The following PPAT variants were observed in gnomAD, a reference collection of about 807,000 sequenced individuals.
PPAT encodes amidophosphoribosyltransferase.
A neutral mutation model predicts 60.2 loss-of-function variants in PPAT; 20 were observed. The ratio of observed to expected loss-of-function variants is 0.33; its 90% confidence interval spans 0.23 to 0.48. The LOEUF (loss-of-function observed/expected upper bound fraction) is 0.48, where lower values mean the gene tolerates loss of function less well. Ranked by LOEUF, PPAT falls within the 20% of genes least tolerant of loss-of-function variation. The pLI is 0.99. For synonymous variants in PPAT, 194 were observed against 215.1 expected (o/e 0.90, Z 0.86); for missense variants, 349 against 629.6 (o/e 0.55, Z 4.77).
rs1715881281 is a variant in PPAT at position 56,393,542 on chromosome 4, A to AT, written c.*1809_*1810insA. On this transcript the variant is annotated 3_prime_UTR_variant, in exon 11 of 11. Transcript: ENST00000264220. ...ACAACATTTGAGATTAAATTGGTAA[A>AT]AAAAAATTGTAATTGAATTCAGACT... 1 of 152,138 alleles carries AT rather than the reference A, an allele frequency of 6.6e-6. No individual in the cohort carries two copies. Among genetic ancestry groups the AT allele is most frequent in the Non-Finnish European group, 1.5e-5 (1 of 67,974 alleles). The allele number at this position is 152,138 out of a possible 1,614,324, so 9.4% of individuals were successfully genotyped here. A position where few individuals can be genotyped will look rare whatever the true frequency, so the allele number is the denominator to read the frequency against.
intron 1 of PPAT, among the ~76,000 whole-genome samples, chr4:56,429,408 A>G (rs1389261908): frequency 4.6e-5 from 7 of 152,240 alleles, no homozygotes; most frequent in Admixed American, 3.9e-4. Flanking sequence ...TAACATTTTA[A>G]TAAGTCTGAA....
At chr4:56,423,866 G>A (rs1717160800) in intron 1 of PPAT, among the ~76,000 whole-genome samples, 1 of 152,046 alleles carries the variant, frequency 6.6e-6, no homozygotes, top group African/African-American at 2.4e-5. Flanking sequence ...AAGGATTTTA[G>A]GTACACCTGC....
At chr4:56,420,463 T>G (rs948618564) in intron 1 of PPAT, 1 of 152,222 alleles carries the variant, frequency 6.6e-6, no homozygotes, top group Non-Finnish European at 1.5e-5. Flanking sequence ...GAATATTATA[T>G]ATGTAAGTTA....
At chr4:56,431,285 T>C (rs1012926747) in intron 1 of PPAT, 2 of 204,960 alleles carry the variant, frequency 9.8e-6, no homozygotes, top group Non-Finnish European at 1.7e-5. Flanking sequence ...GTAAGTTCTC[T>C]GACAATCAAA....
Position 56,395,169 on chromosome 4 carries a change from G to A in PPAT, c.*183C>T, listed in dbSNP as rs1715939456. On this transcript the variant is annotated 3_prime_UTR_variant, in exon 11 of 11. Coordinates refer to ENST00000264220, the MANE Select transcript of PPAT (RefSeq NM_002703.5). ...ACATATTGTTGTATTATATGCAATT[G>A]GAAATGTTCAGTTATCGCACTTTGG... The A allele has an allele frequency of 1.8e-6, 1 of 544,506 alleles. No homozygotes were observed. Among genetic ancestry groups the A allele is most frequent in the Admixed American group, 4.3e-5 (1 of 23,468 alleles). The allele number at this position is 544,506 out of a possible 1,614,324, so 33.7% of individuals were successfully genotyped here.
chr4:56,422,485 G>A (rs1477772504), intron 1 of PPAT: 2 of 13,482 alleles, frequency 1.5e-4, no homozygotes, highest in Non-Finnish European at 3.2e-4. Context: ...TTTTGTACGT[G>A]TGTGTGTGTG....
chr4:56,432,492 C>T (rs1717639986), intron 1 of PPAT, among the ~76,000 whole-genome samples: 1 of 147,144 alleles, frequency 6.8e-6, no homozygotes. Flanking sequence ...TACCACTCCA[C>T]TCCAGCCTAG....
chr4:56,409,859 A>T (rs1483283690), intron 1 of PPAT, among the ~76,000 whole-genome samples: 1 of 152,208 alleles, frequency 6.6e-6, no homozygotes, highest in Non-Finnish European at 1.5e-5. Flanking sequence ...TATATATTGC[A>T]ATTGTTGCAG....
chr4:56,428,456 C>T (rs962268407), intron 1 of PPAT, among the ~76,000 whole-genome samples: 4 of 151,722 alleles, frequency 2.6e-5, no homozygotes, highest in African/African-American at 4.8e-5. Flanking sequence ...AGACAGAGAC[C>T]GGAAACAATG....
chr4:56,432,525 C>CAA (rs34998854), intron 1 of PPAT, among the ~76,000 whole-genome samples: 3,334 of 75,274 alleles, frequency 0.044, 182 homozygotes, highest in African/African-American at 0.15. Context: ...GACCCTGTCT[C>CAA]AAAAAAAAAA....
intron 1 of PPAT, among the ~76,000 whole-genome samples, chr4:56,415,548 T>C (rs1234874747): frequency 6.6e-6 from 1 of 152,220 alleles, no homozygotes; most frequent in Admixed American, 6.5e-5. Context: ...AAATGACATA[T>C]TCCTTAGTCC....
chr4:56,418,802 C>T (rs1716899341), intron 1 of PPAT, among the ~76,000 whole-genome samples: 3 of 152,138 alleles, frequency 2.0e-5, no homozygotes, highest in Admixed American at 2.0e-4. Flanking sequence ...AAGTCAAGTA[C>T]TGTCAGTAAT....
chr4:56,397,736 A>AT (rs1293701396), intron 9 of PPAT, among the ~76,000 whole-genome samples: 4 of 152,018 alleles, frequency 2.6e-5, no homozygotes, highest in East Asian at 3.9e-4. Flanking sequence ...ATTAAAAAAA[A>AT]ATTTTTTTCA....
At chr4:56,427,808 C>T (rs1240324971) in intron 1 of PPAT, among the ~76,000 whole-genome samples, 1 of 152,122 alleles carries the variant, frequency 6.6e-6, no homozygotes, top group African/African-American at 2.4e-5. Flanking sequence ...GGGTCCACTG[C>T]AGGGTCTAAA....
At chr4:56,428,939 G>A (rs1717431975) in intron 1 of PPAT, 1 of 942,794 alleles carries the variant, frequency 1.1e-6, no homozygotes. Flanking sequence ...TTTTATTTAA[G>A]AATTATTTGA....
intron 1 of PPAT, among the ~76,000 whole-genome samples, chr4:56,409,913 A>G (rs558664947): frequency 6.6e-6 from 1 of 152,358 alleles, no homozygotes; most frequent in Non-Finnish European, 1.5e-5. Context: ...TATGTTGCCA[A>G]GTAAAACTCT....
intron 1 of PPAT, among the ~76,000 whole-genome samples, chr4:56,426,591 C>T (rs1001069837): frequency 6.6e-6 from 1 of 152,100 alleles, no homozygotes; most frequent in Non-Finnish European, 1.5e-5. Context: ...CACGTTGTAG[C>T]ATATATCAGT....
intron 1 of PPAT, among the ~76,000 whole-genome samples, chr4:56,424,532 G>A (rs1717195568): frequency 2.0e-5 from 3 of 151,602 alleles, no homozygotes; most frequent in African/African-American, 7.3e-5. Flanking sequence ...AATCAATCAC[G>A]GAGAAGAATC....
At chr4:56,406,869 G>C (rs1716254988) in intron 2 of PPAT, among the ~76,000 whole-genome samples, 168 bp from the exon 3 acceptor site, 1 of 152,100 alleles carries the variant, frequency 6.6e-6, no homozygotes, top group African/African-American at 2.4e-5. Flanking sequence ...TAACCTAATT[G>C]TAAGAACTGT....
Sources: allele counts gnomAD v4.1 joint callset (sites outside exome capture counted in the v4.1 genomes callset), GRCh38; gene constraint gnomAD v4.1.1; transcripts MANE v1.5; gene names NCBI Gene and HGNC (gene_info 2026-07-23, HGNC 2026-07-21).